Variants in SIM2 observed in about 807,000 individuals in gnomAD.
The protein encoded by SIM2 is single-minded homolog 2.
Under a neutral mutation model 64.8 loss-of-function variants are expected in SIM2, and 28 were observed. The ratio of observed to expected loss-of-function variants is 0.43; its 90% CI spans 0.32 to 0.59. SIM2 has a LOEUF of 0.59. Ranked by LOEUF, SIM2 falls within the 20% of genes least tolerant of loss-of-function variation. The probability of loss-of-function intolerance (pLI) is 0.07; values close to 1 mark genes in which losing one functional copy is unlikely to be tolerated. For synonymous variants in SIM2, 408 were observed against 391.1 expected (o/e 1.04, Z -0.51); for missense variants, 847 against 871.4 (o/e 0.97, Z 0.35).
chr21:36,730,678 C>A (rs1226648486), intron 6 of SIM2, among the ~76,000 whole-genome samples: 2 of 152,206 alleles, frequency 1.3e-5, no homozygotes, highest in Non-Finnish European at 2.9e-5. Context: ...GACCGTCCCC[C>A]CGAAGCCCTC....
chr21:36,726,154 G>T lies in SIM2; in HGVS notation c.579G>T (p.Gln193His). The T allele has an allele frequency of 6.2e-7, 1 of 1,613,968 alleles. No individual in the cohort carries two copies. The highest frequency in any genetic ancestry group is 8.5e-7 in the Non-Finnish European group (1 of 1,180,044). The change falls in exon 6 of 11, where the codon CAG becomes CAT. Residue 193 changes from glutamine to histidine, a missense_variant. Gln to His is a conservative substitution (Grantham distance 24). Around this residue, in one of 3 missense-constraint regions of SIM2, gnomAD observed 397 missense variants for 439.2 expected, o/e 0.90. Transcript: ENST00000290399. The surrounding 1 kb of genome is among the most constrained non-coding windows in gnomAD (Gnocchi z 4.5). ...IHCSGYLKIR[Q>H]YMLDMSLYDS... is the part of the protein sequence containing the mutation. ...GCAGTGGCTACTTGAAGATCAGGCAGTATATGCTGGACATGTCCCTGTACG... is the reference window on the plus strand; with the variant it reads ...GCAGTGGCTACTTGAAGATCAGGCATTATATGCTGGACATGTCCCTGTACG...
intron 1 of SIM2, 111 bp downstream of exon 1, chr21:36,700,032 G>T: frequency 1.7e-6 from 2 of 1,174,572 alleles, no homozygotes; most frequent in Non-Finnish European, 1.2e-6. Flanking sequence ...GGCGTCCAGA[G>T]CTGGGGCGTC....
rs940737341 is a variant in SIM2, at chr21:36,708,226, C to G, written c.176-942C>G. ...GGAGGGCTCGGGGGTTGTCCCAGCC[C>G]GCGCTAAGCGCCGCAGCCTCGCCCG... is the stretch of plus-strand genomic sequence containing the variant. On this transcript the variant is annotated intron_variant, in intron 1 of 10. Coordinates refer to ENST00000290399, the MANE Select transcript of SIM2 (RefSeq NM_005069.6). Among the ~76,000 whole-genome samples the G allele has an allele frequency of 6.6e-5, 10 of 152,192 alleles. No homozygotes were observed. The East Asian group carries it at 1.7e-3, about 27-fold the overall frequency.
At chr21:36,731,193 A>C (rs377248274) in intron 7 of SIM2, 42 bp downstream of exon 7, 4 of 1,479,132 alleles carry the variant, frequency 2.7e-6, no homozygotes, top group Non-Finnish European at 3.8e-6. Context: ...GTAGCTGGTC[A>C]GGGAGGAGGC....
chr21:36,702,873 G>A lies in SIM2; in HGVS notation c.175+2952G>A, dbSNP rs1190298776. Among the ~76,000 whole-genome samples the A allele has an allele frequency of 2.0e-5, 3 of 150,832 alleles. No homozygotes were observed. In the East Asian group the frequency reaches 5.9e-4, roughly 30 times the overall value. On this transcript the variant is annotated intron_variant, in intron 1 of 10. Coordinates refer to ENST00000290399, the MANE Select transcript of SIM2 (RefSeq NM_005069.6). ...ATGAGGAATTGATCTGCCAAGGGCG[G>A]TCTTGTCTCAAAGCAAGTGGATTGC...
At chr21:36,742,651 A>G (rs2089177582) in intron 8 of SIM2, among the ~76,000 whole-genome samples, 1 of 152,128 alleles carries the variant, frequency 6.6e-6, no homozygotes, top group Non-Finnish European at 1.5e-5. Flanking sequence ...TGTACGTTCA[A>G]TCACCTTGCT....
chr21:36,745,712 A>G lies in SIM2; in HGVS notation c.1576+576A>G. On this transcript the variant is annotated intron_variant, in intron 10 of 10. Transcript: ENST00000290399. The surrounding 1 kb of genome is among the most constrained non-coding windows in gnomAD (Gnocchi z 4.8). The stretch of plus-strand genomic sequence containing the variant: ...TGAAGCTGTGATGTGCCTACTCCCA[A>G]GGACACGACACACAGTAGGGACCTG... 7.9e-7 allele frequency: 1 copy of G among 1,263,262 alleles called. No homozygotes were observed. The highest frequency in any genetic ancestry group is 1.0e-6 in the Non-Finnish European group (1 of 958,922). The allele number at this position is 1,263,262 out of a possible 1,614,324, so 78.3% of individuals were successfully genotyped here.
intron 2 of SIM2, chr21:36,710,307 C>G (rs2088656951): frequency 6.6e-6 from 1 of 152,214 alleles, no homozygotes; most frequent in Admixed American, 6.5e-5. Context: ...CTTAGCGCCC[C>G]GAGCCCGGGG....
intron 6 of SIM2, among the ~76,000 whole-genome samples, chr21:36,728,461 G>A (rs372128395): frequency 6.6e-6 from 1 of 152,238 alleles, no homozygotes; most frequent in Non-Finnish European, 1.5e-5. Flanking sequence ...TGCAGCGCCA[G>A]AGGGGGCTCC....
intron 8 of SIM2, 124 bp from the exon 9 acceptor site, chr21:36,743,263 C>A: frequency 1.2e-6 from 1 of 827,090 alleles, no homozygotes; most frequent in South Asian, 1.7e-5. Flanking sequence ...ATCCCATCCA[C>A]ATCCAATCCC....
chr21:36,739,198 A>G (rs1024445625), intron 7 of SIM2, among the ~76,000 whole-genome samples: 17 of 152,366 alleles, frequency 1.1e-4, no homozygotes, highest in African/African-American at 4.1e-4. Flanking sequence ...TGTGTCTGCC[A>G]GTGTTCTAAA....
intron 3 of SIM2, among the ~76,000 whole-genome samples, chr21:36,714,439 G>T (rs970349790): frequency 1.3e-5 from 2 of 152,192 alleles, no homozygotes; most frequent in African/African-American, 2.4e-5. Flanking sequence ...GATAGGGCAG[G>T]TTCTTTAACC....
chr21:36,736,839 C>CTTTTCCT, intron 7 of SIM2, among the ~76,000 whole-genome samples: 1 of 95,724 alleles, frequency 1.0e-5, no homozygotes, highest in African/African-American at 5.6e-5. Context: ...TTCTTTCTTT[C>CTTTTCCT]TCTTTCTTTT....
chr21:36,731,081 G>A lies in SIM2; in HGVS notation c.780G>A (p.Leu260=). Residue 260 remains leucine (L), a synonymous_variant, in exon 7 of 11, where the codon CTG becomes CTA. Coordinates refer to ENST00000290399, the MANE Select transcript of SIM2 (RefSeq NM_005069.6). Reference sequence around the variant, plus strand: ...TGACGGGGTACGAGCCGCAGGACCTGATCGAGAAGACCCTATACCATCACG... The same window carrying A: ...TGACGGGGTACGAGCCGCAGGACCTAATCGAGAAGACCCTATACCATCACG... The part of the protein sequence containing the change: ...TEVTGYEPQD[L]IEKTLYHHVH... The A allele has an allele frequency of 1.9e-6, 3 of 1,614,120 alleles. No homozygotes were observed. Among genetic ancestry groups the A allele is most frequent in the Non-Finnish European group, 2.5e-6 (3 of 1,180,006 alleles).
At chr21:36,722,305 A>G (rs1459453027) in intron 4 of SIM2, among the ~76,000 whole-genome samples, 1 of 152,166 alleles carries the variant, frequency 6.6e-6, no homozygotes, top group African/African-American at 2.4e-5. Flanking sequence ...CTCTGAGGTG[A>G]TTCCTGAGCT....
chr21:36,731,501 C>A (rs2088968742), intron 7 of SIM2, among the ~76,000 whole-genome samples: 1 of 152,166 alleles, frequency 6.6e-6, no homozygotes. Context: ...TTACTGCTGT[C>A]GGGCACTAAG....
At chr21:36,724,782 A>AT (rs1361630511) in intron 5 of SIM2, among the ~76,000 whole-genome samples, 1 of 152,202 alleles carries the variant, frequency 6.6e-6, no homozygotes, top group Non-Finnish European at 1.5e-5. Context: ...AGAGAACTTA[A>AT]GGCTAAGATT....
rs141775967 is a variant in SIM2 at position 36,749,681 on chromosome 21, G to C, written c.*1589G>C. 6.6e-6 allele frequency: 1 copy of C among 152,074 alleles called. No individual in the cohort carries two copies. Among genetic ancestry groups the C allele is most frequent in the Non-Finnish European group, 1.5e-5 (1 of 68,010 alleles). The allele number at this position is 152,074 out of a possible 1,614,324, so 9.4% of individuals were successfully genotyped here. A position where few individuals can be genotyped will look rare whatever the true frequency, so the allele number is the denominator to read the frequency against. On this transcript the variant is annotated 3_prime_UTR_variant, in exon 11 of 11. Coordinates refer to ENST00000290399, the MANE Select transcript of SIM2 (RefSeq NM_005069.6). ...GTGTGTGCACAGGAAATAAGCCGAG[G>C]GTATTATTTTTTTATGTTCATGAGT...
intron 6 of SIM2, among the ~76,000 whole-genome samples, chr21:36,728,722 C>A (rs2088926807): frequency 6.6e-6 from 1 of 152,226 alleles, no homozygotes; most frequent in East Asian, 1.9e-4. Flanking sequence ...CCTGGGCTGG[C>A]CCAGCCCTGG....
Sources: gnomAD v4.1 joint callset for allele counts (sites outside exome capture counted in the v4.1 genomes callset) on GRCh38, gnomAD v4.1.1 for gene constraint, gnomAD v4.1.1 regional missense constraint, Gnocchi (gnomAD v3.1) non-coding constraint, MANE v1.5 for transcripts, NCBI Gene and HGNC (gene_info 2026-07-23, HGNC 2026-07-21) for gene names.